GPC6: variants seen among roughly 807,000 people sequenced by gnomAD.
GPC6 encodes the protein glypican-6.
Under a neutral mutation model 55.2 loss-of-function variants are expected in GPC6, and 14 were observed. That is an observed-to-expected ratio of 0.25 (90% CI 0.17 to 0.40). GPC6 has a LOEUF of 0.40. Ranked by LOEUF, GPC6 falls within the 10% of genes least tolerant of loss-of-function variation. GPC6 has a pLI of 1.00. For missense variants in GPC6, 641 were observed against 708.5 expected (o/e 0.90, Z 1.08); for synonymous variants, 278 against 259.6 (o/e 1.07, Z -0.68).
At chr13:94,354,822 G>A (rs150317280) in intron 6 of GPC6, among the ~76,000 whole-genome samples, 81 of 152,350 alleles carry the variant, frequency 5.3e-4, no homozygotes, top group African/African-American at 5.0e-4. Context: ...CTATACAGAT[G>A]TGTTTCATTC....
At chr13:93,232,580 T>C (rs926204375) in intron 1 of GPC6, among the ~76,000 whole-genome samples, 2 of 152,188 alleles carry the variant, frequency 1.3e-5, no homozygotes, top group Admixed American at 6.5e-5. Context: ...ACATAAAATA[T>C]CTCTCAACTG....
intron 2 of GPC6, among the ~76,000 whole-genome samples, chr13:93,622,540 A>C: frequency 6.6e-6 from 1 of 152,122 alleles, no homozygotes; most frequent in East Asian, 1.9e-4. Flanking sequence ...CTTAAATCAG[A>C]GACTGGAGGG....
chr13:94,362,825 G>A (rs1000525990), intron 6 of GPC6, among the ~76,000 whole-genome samples: 1 of 152,118 alleles, frequency 6.6e-6, no homozygotes, highest in African/African-American at 2.4e-5. Context: ...TCCATGATTT[G>A]AGAAAATTAA....
intron 4 of GPC6, among the ~76,000 whole-genome samples, chr13:94,040,385 A>G (rs1266196392): frequency 6.6e-6 from 1 of 151,844 alleles, no homozygotes; most frequent in East Asian, 1.9e-4. Flanking sequence ...ACAAATATAC[A>G]TGATGCAGCT....
At chr13:93,956,035 A>G (rs1269664432) in intron 3 of GPC6, among the ~76,000 whole-genome samples, 2 of 151,990 alleles carry the variant, frequency 1.3e-5, no homozygotes, top group Non-Finnish European at 2.9e-5. Context: ...TACTAGAGCC[A>G]CTCCTGTCTC....
chr13:94,145,133 A>ATGGG (rs1263417896), intron 4 of GPC6, among the ~76,000 whole-genome samples: 2 of 97,356 alleles, frequency 2.1e-5, no homozygotes, highest in East Asian at 4.1e-4. Flanking sequence ...GACTGGATGG[A>ATGGG]TGGGTGGATG....
intron 2 of GPC6, among the ~76,000 whole-genome samples, chr13:93,602,182 A>G (rs548239657): frequency 2.0e-5 from 3 of 152,340 alleles, no homozygotes; most frequent in Non-Finnish European, 1.5e-5. Flanking sequence ...TTTGACAACG[A>G]TAAAATATTC....
intron 2 of GPC6, among the ~76,000 whole-genome samples, chr13:93,605,165 A>G (rs1486875435): frequency 6.6e-6 from 1 of 152,216 alleles, no homozygotes; most frequent in Admixed American, 6.5e-5. Context: ...GTTTCTGCAC[A>G]GATTATAGTG....
Position 93,232,438 on chromosome 13 carries a change from CG to C in GPC6, c.160+4823del, listed in dbSNP as rs1876092757. 3.9e-5 allele frequency among the ~76,000 whole-genome samples: 6 copies of C among 152,160 alleles called. No individual in the cohort carries two copies. In the South Asian group the frequency reaches 1.2e-3, roughly 32 times the overall value. On this transcript the variant is annotated intron_variant, in intron 1 of 8. Coordinates refer to ENST00000377047, the MANE Select transcript of GPC6 (RefSeq NM_005708.5). ...AATCTAAAAGTTGGGCTATTAGAAGCGTCACTTGTTAAACTCTTGATTTGGG... is the reference window on the plus strand; with the variant it reads ...AATCTAAAAGTTGGGCTATTAGAAGCTCACTTGTTAAACTCTTGATTTGGG...
intron 1 of GPC6, among the ~76,000 whole-genome samples, chr13:93,236,530 G>C (rs549049646): frequency 6.6e-6 from 1 of 152,086 alleles, no homozygotes; most frequent in Non-Finnish European, 1.5e-5. Context: ...CACTGCCTGC[G>C]CTCTGCCTCC....
chr13:94,254,689 T>C (rs1489998097), intron 4 of GPC6, among the ~76,000 whole-genome samples: 1 of 152,034 alleles, frequency 6.6e-6, no homozygotes, highest in Non-Finnish European at 1.5e-5. Flanking sequence ...AAAAAAAACA[T>C]GTAATTTGAA....
chr13:94,200,155 T>TA (rs10708157), intron 4 of GPC6, among the ~76,000 whole-genome samples: 12,876 of 137,042 alleles, frequency 0.094, 677 homozygotes, highest in Non-Finnish European at 0.13. Flanking sequence ...AAACTCTGTC[T>TA]AAAAAAAAAA....
At chr13:93,971,943 A>G (rs2140394897) in intron 3 of GPC6, among the ~76,000 whole-genome samples, 1 of 152,294 alleles carries the variant, frequency 6.6e-6, no homozygotes, top group Middle Eastern at 3.4e-3. Context: ...GGGCAGGAGG[A>G]GTATCCAGCG....
chr13:93,961,051 T>A (rs1451046213), intron 3 of GPC6, among the ~76,000 whole-genome samples: 1 of 152,130 alleles, frequency 6.6e-6, no homozygotes, highest in African/African-American at 2.4e-5. Flanking sequence ...CCTGACCTCG[T>A]GATCCGCCTG....
At chr13:94,079,877 T>C (rs1233856841) in intron 4 of GPC6, among the ~76,000 whole-genome samples, 2 of 152,200 alleles carry the variant, frequency 1.3e-5, no homozygotes, top group Non-Finnish European at 2.9e-5. Context: ...TCACATTGCC[T>C]GACACATAAG....
rs1879633469 is a variant in GPC6, at chr13:93,325,808, G to A, written c.160+98192G>A. Among the ~76,000 whole-genome samples the A allele has an allele frequency of 3.3e-5, 5 of 152,058 alleles. No homozygotes were observed. The South Asian group carries it at 1.0e-3, about 32-fold the overall frequency. Reference sequence around the variant, plus strand: ...ATTTGTGTTGTAGATGTATCCATCTGGTAGTAATATGTACTGATAGGAGAT... The same window carrying A: ...ATTTGTGTTGTAGATGTATCCATCTAGTAGTAATATGTACTGATAGGAGAT... On this transcript the variant is annotated intron_variant, in intron 1 of 8. Transcript: ENST00000377047.
chr13:94,225,065 G>A lies in GPC6; in HGVS notation c.878-61284G>A, dbSNP rs143605981. 3.4e-3 allele frequency among the ~76,000 whole-genome samples: 511 copies of A among 152,250 alleles called. 5 individuals are homozygous for A. The highest frequency in any genetic ancestry group is 0.012 in the African/African-American group (488 of 41,568). ...TTTTGGCACCCAGGGAGTGTGGGAA[G>A]TTTGTCCAACTTTAATTTTTCAGTC... On this transcript the variant is annotated intron_variant, in intron 4 of 8. Transcript: ENST00000377047.
intron 3 of GPC6, among the ~76,000 whole-genome samples, chr13:93,845,287 C>T (rs1888130489): frequency 6.6e-6 from 1 of 151,012 alleles, no homozygotes; most frequent in South Asian, 2.1e-4. Flanking sequence ...TATGAGATAT[C>T]ATCTCACACC....
intron 2 of GPC6, among the ~76,000 whole-genome samples, chr13:93,746,932 G>C (rs1398859264): frequency 6.6e-6 from 1 of 152,216 alleles, no homozygotes; most frequent in African/African-American, 2.4e-5. Flanking sequence ...GGCAATTCAT[G>C]AACAGGATTT....
Sources: allele counts gnomAD v4.1 joint callset (sites outside exome capture counted in the v4.1 genomes callset), GRCh38; gene constraint gnomAD v4.1.1; transcripts MANE v1.5; gene names NCBI Gene and HGNC (gene_info 2026-07-23, HGNC 2026-07-21).